MYO18B: variants seen among roughly 807,000 people sequenced by gnomAD.
The protein encoded by MYO18B is myosin XVIIIB.
Under a neutral mutation model 273.0 loss-of-function variants are expected in MYO18B, and 204 were observed. The ratio of observed to expected loss-of-function variants is 0.75; its 90% CI spans 0.67 to 0.84. The LOEUF is 0.84. Ranked by LOEUF, MYO18B falls within the 40% of genes least tolerant of loss-of-function variation. The probability of loss-of-function intolerance (pLI) is 0.00; values close to 1 mark genes in which losing one functional copy is unlikely to be tolerated. For synonymous variants in MYO18B, 1,330 were observed against 1,305.7 expected, an observed-to-expected ratio of 1.02 and a Z score of -0.40; for missense variants, 3,212 against 3,287.6, an observed-to-expected ratio of 0.98 and a Z score of 0.56.
At chr22:25,917,545 G>GGGGTGTGT (rs1555944183) in intron 33 of MYO18B, among the ~76,000 whole-genome samples, 17,422 of 142,108 alleles carry the variant, frequency 0.12, 1,298 homozygotes, top group East Asian at 0.19. Context: ...GCTTTGTAGG[G>GGGGTGTGT]GTGTGTGTGT....
chr22:25,803,558 C>T (rs556435698), intron 12 of MYO18B, among the ~76,000 whole-genome samples: 1 of 152,184 alleles, frequency 6.6e-6, no homozygotes, highest in South Asian at 2.1e-4. Flanking sequence ...TGTGATGGGT[C>T]AAGTATGTAT....
intron 39 of MYO18B, among the ~76,000 whole-genome samples, chr22:25,990,686 CAAAAAAAAAAAAAAAAAAAA>C (rs745998234): frequency 7.4e-5 from 2 of 27,014 alleles, no homozygotes. Flanking sequence ...GACTTTGTCT[CAAAAAAAAAAAAAAAAAAAA>C]AAAAAAAAAA....
At chr22:25,919,676 G>A (rs1235567047) in intron 33 of MYO18B, among the ~76,000 whole-genome samples, 1 of 124,208 alleles carries the variant, frequency 8.1e-6, no homozygotes, top group African/African-American at 3.1e-5. Flanking sequence ...TTGTGTGTGT[G>A]TATGTGTGTG....
At chr22:25,913,471 T>C (rs1601557399) in intron 33 of MYO18B, among the ~76,000 whole-genome samples, 1 of 152,268 alleles carries the variant, frequency 6.6e-6, no homozygotes, top group Non-Finnish European at 1.5e-5. Context: ...TCATGCCATT[T>C]TCCTGCCTCA....
At chr22:25,997,300 G>A (rs1933360201) in intron 40 of MYO18B, among the ~76,000 whole-genome samples, 2 of 36,856 alleles carry the variant, frequency 5.4e-5, no homozygotes, top group Admixed American at 3.6e-4. Context: ...GTGAAACTCT[G>A]TCGCCAAAAA....
At chr22:25,779,749 C>T (rs972914762) in intron 8 of MYO18B, among the ~76,000 whole-genome samples, 2 of 151,636 alleles carry the variant, frequency 1.3e-5, no homozygotes, top group African/African-American at 2.4e-5. Context: ...TCTGGGAAGC[C>T]CTAGGGCAGC....
chr22:25,976,583 C>A (rs1339571564), intron 39 of MYO18B, among the ~76,000 whole-genome samples: 1 of 152,162 alleles, frequency 6.6e-6, no homozygotes, highest in African/African-American at 2.4e-5. Context: ...TTATTGGCAT[C>A]TTTTGCTGTT....
intron 12 of MYO18B, among the ~76,000 whole-genome samples, chr22:25,811,468 C>G (rs1182534751): frequency 2.0e-5 from 3 of 152,238 alleles, no homozygotes; most frequent in African/African-American, 7.2e-5. Context: ...AGGACATCGA[C>G]AGCGGTGCAT....
chr22:25,742,644 G>T (rs1393522046), intron 1 of MYO18B, among the ~76,000 whole-genome samples: 1 of 152,126 alleles, frequency 6.6e-6, no homozygotes, highest in African/African-American at 2.4e-5. Context: ...CAGACGTCAG[G>T]GTTTATATTT....
At chr22:25,888,635 C>A (rs1251015827) in intron 25 of MYO18B, among the ~76,000 whole-genome samples, 2 of 114,034 alleles carry the variant, frequency 1.8e-5, no homozygotes, top group African/African-American at 1.2e-4. Flanking sequence ...GTGTAAGGAA[C>A]AGCAAGAGAA....
chr22:26,057,649 C>T, the MYO18B span, among the ~76,000 whole-genome samples: 1 of 151,778 alleles, frequency 6.6e-6, no homozygotes, highest in Non-Finnish European at 1.5e-5. Context: ...GAATGCCCAT[C>T]AGTTTCTTCA....
chr22:25,752,784 T>G (rs540636455), intron 1 of MYO18B, among the ~76,000 whole-genome samples: 1 of 152,340 alleles, frequency 6.6e-6, no homozygotes, highest in African/African-American at 2.4e-5. Context: ...CTCTCTAGGC[T>G]GGCCGAGGCC....
chr22:25,874,463 G>A (rs1291532025), intron 23 of MYO18B, 49 bp downstream of exon 23: 16 of 1,573,804 alleles, frequency 1.0e-5, no homozygotes, highest in East Asian at 7.0e-5. Flanking sequence ...GGTCTGGAGC[G>A]GGCATAGGGT....
rs375955648 is a variant in MYO18B, at chr22:25,832,931, G to A, written c.2994G>A (p.Val998=). The A allele has an allele frequency of 5.9e-5, 96 of 1,613,768 alleles. No individual in the cohort carries two copies. In the African/African-American group the frequency reaches 1.1e-3, roughly 19 times the overall value. Residue 998 remains valine, a synonymous_variant, in exon 16 of 44, where the codon GTG becomes GTA. Transcript: ENST00000335473. ...LQRYQEEGVP[V]QFDLPDPSPG... is the part of the protein sequence containing the mutation. ...TTATTTTCCAGGAAGGTGTTCCTGTGCAGTTTGACCTCCCGGACCCCTCCC... is the reference window on the plus strand; with the variant it reads ...TTATTTTCCAGGAAGGTGTTCCTGTACAGTTTGACCTCCCGGACCCCTCCC...
chr22:25,879,992 G>GC (rs2091295255), intron 25 of MYO18B, among the ~76,000 whole-genome samples: 1 of 152,092 alleles, frequency 6.6e-6, no homozygotes, highest in Non-Finnish European at 1.5e-5. Context: ...CTCCCACCAG[G>GC]CCCTTCCTCC....
At chr22:26,023,122 A>C (rs755116926) in intron 42 of MYO18B, among the ~76,000 whole-genome samples, 1 of 151,888 alleles carries the variant, frequency 6.6e-6, no homozygotes, top group Non-Finnish European at 1.5e-5. Context: ...CTTCTTCTCC[A>C]TCACCACCGC....
intron 35 of MYO18B, among the ~76,000 whole-genome samples, chr22:25,947,141 G>A (rs1330709611): frequency 2.0e-5 from 3 of 149,582 alleles, no homozygotes; most frequent in South Asian, 2.2e-4. Flanking sequence ...ACATACATGC[G>A]CACACGTGTA....
At chr22:25,952,197 C>G in intron 37 of MYO18B, 89 bp from the exon 38 acceptor site, 1 of 1,442,396 alleles carries the variant, frequency 6.9e-7, no homozygotes, top group African/African-American at 1.4e-5. Context: ...TGAATAGCTC[C>G]TCCCACCCTC....
At chr22:26,060,889 A>G in the MYO18B span, among the ~76,000 whole-genome samples, 1 of 102,078 alleles carries the variant, frequency 9.8e-6, no homozygotes, top group Admixed American at 8.7e-5. Flanking sequence ...ACATATACAC[A>G]TATACACACA....
Sources: gnomAD v4.1 joint callset for allele counts (sites outside exome capture counted in the v4.1 genomes callset) on GRCh38, gnomAD v4.1.1 for gene constraint, MANE v1.5 for transcripts, NCBI Gene and HGNC (gene_info 2026-07-23, HGNC 2026-07-21) for gene names.